The following USP45 variants were observed in gnomAD, a reference collection of about 807,000 sequenced individuals.
The protein encoded by USP45 is ubiquitin specific peptidase 45.
In USP45, 89 loss-of-function variants were observed where a neutral mutation model predicts 95.8. That is an observed-to-expected ratio of 0.93 (90% CI 0.78 to 1.11). The LOEUF (loss-of-function observed/expected upper bound fraction) is 1.11, where lower values mean the gene tolerates loss of function less well. Ranked by LOEUF, USP45 falls within the 50% of genes least tolerant of loss-of-function variation. The pLI, the probability that USP45 is intolerant of heterozygous loss-of-function variation, is 0.00. For missense variants in USP45, 898 were observed against 942.5 expected (o/e 0.95, Z 0.62); for synonymous variants, 281 against 316.2 (o/e 0.89, Z 1.18).
chr6:99,483,861 A>G (rs1202057611), intron 7 of USP45, among the ~76,000 whole-genome samples: 3 of 150,590 alleles, frequency 2.0e-5, no homozygotes, highest in Admixed American at 2.0e-4. Context: ...AAAAAAAAAA[A>G]AAGAATGTTA....
Position 99,446,331 on chromosome 6 carries a change from G to C in USP45, c.1441C>G (p.Arg481Gly), listed in dbSNP as rs374155233. 1 of 1,614,064 alleles carries C rather than the reference G, an allele frequency of 6.2e-7. No homozygotes were observed. Among genetic ancestry groups the C allele is most frequent in the Non-Finnish European group, 8.5e-7 (1 of 1,180,046 alleles). The change falls in exon 14 of 18, where the codon CGT becomes GGT. Residue 481 changes from arginine to glycine, a missense_variant. Transcript: ENST00000500704. ...TCATCAGTAGGGCTTTCATTCAGAC[G>C]TGACTCAGAATTCATGAGGCTGGCA... ...MFASLMNSESRLNESPTDDSE... is the reference protein window; with the variant it reads ...MFASLMNSESGLNESPTDDSE...
At chr6:99,486,138 GTAAAAAAATAAAAA>G (rs1218654031) in intron 7 of USP45, among the ~76,000 whole-genome samples, 1 of 151,660 alleles carries the variant, frequency 6.6e-6, no homozygotes, top group Non-Finnish European at 1.5e-5. Context: ...GCACAATAAG[GTAAAAAAATAAAAA>G]TAAAAAAATA....
chr6:99,482,429 ACT>A, intron 8 of USP45: 1 of 252,680 alleles, frequency 4.0e-6, no homozygotes, highest in Non-Finnish European at 7.4e-6. Flanking sequence ...AGATTTTACA[ACT>A]CTATGGTTTT....
chr6:99,443,917 A>G (rs948328319), intron 14 of USP45, among the ~76,000 whole-genome samples: 4 of 152,228 alleles, frequency 2.6e-5, no homozygotes, highest in Non-Finnish European at 5.9e-5. Flanking sequence ...GAAGGTAGAA[A>G]GCAGATGGAC....
intron 13 of USP45, among the ~76,000 whole-genome samples, chr6:99,460,484 G>C (rs1272682732): frequency 6.6e-6 from 1 of 151,978 alleles, no homozygotes; most frequent in Non-Finnish European, 1.5e-5. Flanking sequence ...CTAAGTACCT[G>C]TTCAATTTTA....
intron 13 of USP45, among the ~76,000 whole-genome samples, chr6:99,460,615 G>A (rs1009142374): frequency 2.6e-5 from 4 of 152,068 alleles, no homozygotes; most frequent in Non-Finnish European, 2.9e-5. Context: ...CGAATACAGC[G>A]TTTTCCTCAA....
chr6:99,466,788 CA>C (rs1405194027), intron 10 of USP45, 25 bp from the exon 11 acceptor site: 1 of 1,574,740 alleles, frequency 6.4e-7, no homozygotes, highest in East Asian at 2.2e-5. Flanking sequence ...CTTTTTAATG[CA>C]AAAAACATGT....
Position 99,476,197 on chromosome 6 carries a change from G to A in USP45, c.879C>T (p.Asp293=), listed in dbSNP as rs1176914342. Residue 293 remains aspartate, a synonymous_variant, in exon 9 of 18, where the codon GAC becomes GAT. Transcript: ENST00000500704. The part of the protein sequence containing the change: ...APRFKDFQQQ[D]SQELLHYLLD... ...GAAGATAATGAAGAAGCTCCTGACT[G>A]TCCTGTTGCTGGAAATCTTTAAATC... 2 of 1,614,008 alleles carry A rather than the reference G, an allele frequency of 1.2e-6. No individual in the cohort carries two copies. The highest frequency in any genetic ancestry group is 3.3e-5 in the Admixed American group (2 of 59,998).
At chr6:99,445,699 G>C in intron 14 of USP45, 98 bp downstream of exon 14, 1 of 919,884 alleles carries the variant, frequency 1.1e-6, no homozygotes, top group South Asian at 1.9e-5. Flanking sequence ...AGTAACACAA[G>C]TATAGGGACA....
intron 5 of USP45, among the ~76,000 whole-genome samples, chr6:99,495,992 C>A (rs113645023): frequency 1.4e-3 from 207 of 152,112 alleles, no homozygotes; most frequent in African/African-American, 4.9e-3. Context: ...AATTAAAAAC[C>A]CTATATGTAA....
At chr6:99,498,114 C>T (rs934574803) in intron 5 of USP45, among the ~76,000 whole-genome samples, 1 of 152,100 alleles carries the variant, frequency 6.6e-6, no homozygotes, top group Non-Finnish European at 1.5e-5. Flanking sequence ...CCTCAATAGA[C>T]CAAAAGATCA....
intron 3 of USP45, 46 bp from the exon 4 acceptor site, chr6:99,507,577 T>C: frequency 1.5e-6 from 2 of 1,338,770 alleles, no homozygotes; most frequent in Non-Finnish European, 2.1e-6. Flanking sequence ...CAAATGTTTG[T>C]TTCAAATTAA....
intron 2 of USP45, 79 bp downstream of exon 2, chr6:99,510,042 C>A: frequency 9.0e-7 from 1 of 1,114,062 alleles, no homozygotes; most frequent in South Asian, 1.4e-5. Flanking sequence ...CCTCAGCGTT[C>A]AAACCCATGT....
chr6:99,452,240 G>C (rs1784035355), intron 13 of USP45, among the ~76,000 whole-genome samples: 1 of 152,138 alleles, frequency 6.6e-6, no homozygotes, highest in South Asian at 2.1e-4. Context: ...AGAGTGAACA[G>C]GCAACCTACA....
chr6:99,491,914 T>C (rs1404532365), intron 5 of USP45, among the ~76,000 whole-genome samples: 1 of 151,958 alleles, frequency 6.6e-6, no homozygotes. Context: ...ATGAAATATA[T>C]ATACACGACG....
intron 3 of USP45, among the ~76,000 whole-genome samples, chr6:99,508,173 T>A (rs549835460): frequency 3.2e-4 from 44 of 139,342 alleles, no homozygotes; most frequent in Non-Finnish European, 4.6e-4. Context: ...CTTATTTTTT[T>A]AAAAAAGTAT....
At chr6:99,486,639 C>T (rs951133662) in intron 7 of USP45, among the ~76,000 whole-genome samples, 17 of 147,262 alleles carry the variant, frequency 1.2e-4, no homozygotes, top group African/African-American at 4.3e-4. Flanking sequence ...ATATATATAA[C>T]AGTATGTTAT....
intron 5 of USP45, among the ~76,000 whole-genome samples, chr6:99,502,479 T>C (rs912678824): frequency 6.6e-6 from 1 of 152,238 alleles, no homozygotes; most frequent in Non-Finnish European, 1.5e-5. Context: ...AGCCTGCAGC[T>C]AGTTTCTGAT....
At chr6:99,506,614 C>T (rs1273719359) in intron 4 of USP45, among the ~76,000 whole-genome samples, 2 of 152,134 alleles carry the variant, frequency 1.3e-5, no homozygotes. Context: ...CCACAAAAAA[C>T]TTGTTTTAGT....
Sources: allele counts gnomAD v4.1 joint callset (sites outside exome capture counted in the v4.1 genomes callset), GRCh38; gene constraint gnomAD v4.1.1; transcripts MANE v1.5; gene names NCBI Gene and HGNC (gene_info 2026-07-23, HGNC 2026-07-21).